The following CSMD1 variants were observed in gnomAD, a reference collection of about 807,000 sequenced individuals.
CSMD1 encodes the protein CUB and Sushi multiple domains 1.
Under a neutral mutation model 417.5 loss-of-function variants are expected in CSMD1, and 213 were observed. The observed-to-expected ratio is 0.51, with a 90% CI of 0.46 to 0.57. CSMD1 has a LOEUF of 0.57. Ranked by LOEUF, CSMD1 falls within the 20% of genes least tolerant of loss-of-function variation. The pLI is 0.00. For synonymous variants in CSMD1, 2,862 were observed against 1,736.8 expected (o/e 1.65, Z -16.11); for missense variants, 6,923 against 4,529.7 (o/e 1.53, Z -15.17).
intron 3 of CSMD1, among the ~76,000 whole-genome samples, chr8:4,213,738 G>A (rs1320993480): frequency 2.0e-5 from 3 of 152,202 alleles, no homozygotes; most frequent in African/African-American, 4.8e-5. Context: ...GGGTGGGAAT[G>A]GGGTAGAACA....
intron 1 of CSMD1, among the ~76,000 whole-genome samples, chr8:4,649,125 A>T (rs575176192): frequency 6.6e-6 from 1 of 152,316 alleles, no homozygotes; most frequent in African/African-American, 2.4e-5. Flanking sequence ...TATATGATCT[A>T]ACCTTCTCAA....
chr8:4,264,672 T>TC (rs1804124221), intron 3 of CSMD1, among the ~76,000 whole-genome samples: 1 of 152,132 alleles, frequency 6.6e-6, no homozygotes, highest in Non-Finnish European at 1.5e-5. Context: ...ACCGAGGTGG[T>TC]CATCCCCAGA....
chr8:4,114,419 T>C (rs1563141175), intron 3 of CSMD1, among the ~76,000 whole-genome samples: 1 of 152,216 alleles, frequency 6.6e-6, no homozygotes, highest in Non-Finnish European at 1.5e-5. Flanking sequence ...TTACTGCTCA[T>C]TGACAACACA....
chr8:3,693,192 A>G (rs1800350460), intron 7 of CSMD1, among the ~76,000 whole-genome samples: 1 of 152,222 alleles, frequency 6.6e-6, no homozygotes. Flanking sequence ...GGAGTCAATG[A>G]ATCAATACTG....
chr8:4,911,330 A>T (rs542777095), intron 1 of CSMD1, among the ~76,000 whole-genome samples: 1 of 152,230 alleles, frequency 6.6e-6, no homozygotes, highest in African/African-American at 2.4e-5. Flanking sequence ...CTTAACCAAT[A>T]TGCAGATGAA....
intron 21 of CSMD1, among the ~76,000 whole-genome samples, chr8:3,350,073 G>A (rs528169385): frequency 7.2e-6 from 1 of 139,566 alleles, no homozygotes; most frequent in Non-Finnish European, 1.5e-5. Context: ...GTGTATGTGT[G>A]TGTTATAATA....
chr8:2,951,068 C>G, intron 66 of CSMD1, 46 bp downstream of exon 66: 1 of 1,576,340 alleles, frequency 6.3e-7, no homozygotes, highest in East Asian at 2.2e-5. Context: ...GATAACAGGT[C>G]TATTTCTGCT....
intron 1 of CSMD1, among the ~76,000 whole-genome samples, chr8:4,643,124 A>G (rs1026862530): frequency 6.6e-6 from 1 of 152,220 alleles, no homozygotes; most frequent in African/African-American, 2.4e-5. Flanking sequence ...TCTGAACAGT[A>G]TGTCTCATTG....
intron 1 of CSMD1, among the ~76,000 whole-genome samples, chr8:4,656,146 A>C (rs184176929): frequency 1.3e-5 from 2 of 152,168 alleles, no homozygotes; most frequent in Non-Finnish European, 2.9e-5. Context: ...GATGTGAAGC[A>C]AGGATTAAAG....
At chr8:4,409,253 T>C (rs927852936) in intron 3 of CSMD1, among the ~76,000 whole-genome samples, 82 of 152,222 alleles carry the variant, frequency 5.4e-4, no homozygotes, top group African/African-American at 1.9e-3. Flanking sequence ...TTAACTTACA[T>C]ACTTCCTACT....
intron 8 of CSMD1, among the ~76,000 whole-genome samples, chr8:3,606,458 C>T (rs1801618836): frequency 6.6e-6 from 1 of 151,796 alleles, no homozygotes; most frequent in Non-Finnish European, 1.5e-5. Flanking sequence ...AGAAAAGGAG[C>T]AGAAAAGATA....
intron 3 of CSMD1, among the ~76,000 whole-genome samples, chr8:4,299,077 T>C (rs79833936): frequency 0.018 from 2,753 of 152,216 alleles, 40 homozygotes; most frequent in Non-Finnish European, 0.028. Context: ...TATTTCTTAC[T>C]TATGATAATA....
At chr8:4,508,170 T>TC (rs1326931620) in intron 2 of CSMD1, among the ~76,000 whole-genome samples, 7 of 150,798 alleles carry the variant, frequency 4.6e-5, no homozygotes, top group Admixed American at 3.3e-4. Context: ...ATTTTTTTTT[T>TC]TTTCAATTCT....
At chr8:4,731,818 A>T (rs563587096) in intron 1 of CSMD1, among the ~76,000 whole-genome samples, 1 of 152,078 alleles carries the variant, frequency 6.6e-6, no homozygotes, top group Non-Finnish European at 1.5e-5. Flanking sequence ...AACAACTCAC[A>T]GTGTTTTTCT....
chr8:4,442,845 T>G (rs1239276389), intron 2 of CSMD1, among the ~76,000 whole-genome samples: 2 of 152,208 alleles, frequency 1.3e-5, no homozygotes, highest in Non-Finnish European at 2.9e-5. Flanking sequence ...TTTATTTACA[T>G]GATTTGAGAT....
intron 25 of CSMD1, among the ~76,000 whole-genome samples, chr8:3,306,074 T>G (rs766255873): frequency 6.6e-6 from 1 of 152,154 alleles, no homozygotes; most frequent in Non-Finnish European, 1.5e-5. Context: ...GCTCCTTTTA[T>G]GTAGGGAGAA....
At chr8:3,987,556 C>T (rs1011206678) in intron 5 of CSMD1, among the ~76,000 whole-genome samples, 2 of 152,198 alleles carry the variant, frequency 1.3e-5, no homozygotes, top group African/African-American at 4.8e-5. Context: ...GGTGCAGCTA[C>T]GAAGGGGAGG....
intron 25 of CSMD1, among the ~76,000 whole-genome samples, chr8:3,292,049 A>G (rs531721477): frequency 4.6e-5 from 7 of 152,202 alleles, no homozygotes; most frequent in African/African-American, 1.7e-4. Flanking sequence ...TTGGTTTCAA[A>G]GAACATCTTT....
At chr8:4,152,005 T>C in intron 3 of CSMD1, among the ~76,000 whole-genome samples, 1 of 152,184 alleles carries the variant, frequency 6.6e-6, no homozygotes, top group African/African-American at 2.4e-5. Flanking sequence ...GGGGTCATTT[T>C]AACGTAATCA....
Sources: allele counts gnomAD v4.1 joint callset (sites outside exome capture counted in the v4.1 genomes callset), GRCh38; gene constraint gnomAD v4.1.1; transcripts MANE v1.5; gene names NCBI Gene and HGNC (gene_info 2026-07-23, HGNC 2026-07-21).